Variants in REXO1 observed in about 807,000 individuals in gnomAD.
REXO1 encodes RNA exonuclease 1 homolog, also known as REX1, RNA exonuclease 1 homolog.
A neutral mutation model predicts 102.6 loss-of-function variants in REXO1; 42 were observed. The ratio of observed to expected loss-of-function variants is 0.41; its 90% CI spans 0.32 to 0.53. The LOEUF (loss-of-function observed/expected upper bound fraction) is 0.53, where lower values mean the gene tolerates loss of function less well. REXO1 is among the 20% of genes least tolerant of loss of function. The pLI, the probability that REXO1 is intolerant of heterozygous loss-of-function variation, is 0.27. For missense variants in REXO1, 1,819 were observed against 1,732.5 expected, an observed-to-expected ratio of 1.05 and a Z score of -0.89; for synonymous variants, 908 against 779.1, an observed-to-expected ratio of 1.17 and a Z score of -2.76.
intron 4 of REXO1, 151 bp downstream of exon 4, chr19:1,823,421 C>T: frequency 2.2e-6 from 1 of 460,786 alleles, no homozygotes; most frequent in Admixed American, 4.4e-5. Flanking sequence ...ATTTCACAGA[C>T]AGGCAGGCTG....
rs765503224 is a variant in REXO1, at chr19:1,817,777, G to A, written c.3020C>T (p.Ala1007Val). ...CATGTACTGGGTCTCCCAGCCTCCG[G>A]CCACTGCAGGGGACACAGACACACA... Reference protein sequence around the residue: ...HWGRLRRNRVAGGWETQYMCC... With the variant: ...HWGRLRRNRVVGGWETQYMCC... The change falls in exon 11 of 16, where the codon GCC becomes GTC. Residue 1007 changes from alanine (A) to valine (V), a missense_variant. Transcript: ENST00000170168. The A allele has an allele frequency of 1.8e-5, 29 of 1,611,664 alleles. No individual in the cohort carries two copies. The East Asian group carries it at 5.4e-4, about 30-fold the overall frequency.
intron 4 of REXO1, 77 bp downstream of exon 4, chr19:1,823,495 C>T: frequency 2.8e-6 from 3 of 1,080,068 alleles, no homozygotes; most frequent in Non-Finnish European, 3.6e-6. Flanking sequence ...CAGGTGAGCT[C>T]AGAGACCTCA....
rs776076365 is a variant in REXO1 at position 1,826,188 on chromosome 19, G to A, written c.1912-245C>T. 3.3e-5 allele frequency among the ~76,000 whole-genome samples: 5 copies of A among 152,172 alleles called. No individual in the cohort carries two copies. The highest frequency in any genetic ancestry group is 5.9e-5 in the Non-Finnish European group (4 of 68,036). Reference sequence around the variant, plus strand: ...TGGGCACCCAGGGCCCCAGCTTGGAGACCCCAGGGCTGCAGAATGAAAGCA... The same window carrying A: ...TGGGCACCCAGGGCCCCAGCTTGGAAACCCCAGGGCTGCAGAATGAAAGCA... On this transcript the variant is annotated intron_variant, in intron 2 of 15. Transcript: ENST00000170168. The surrounding 1 kb of genome is among the most constrained non-coding windows in gnomAD (Gnocchi z 4.3).
chr19:1,830,463 T>C (rs1215824258), intron 1 of REXO1, among the ~76,000 whole-genome samples: 1 of 152,358 alleles, frequency 6.6e-6, no homozygotes, highest in East Asian at 1.9e-4. Context: ...GAGCCAGGAT[T>C]GTGCCTCTGC....
chr19:1,836,043 C>A (rs1599161651), intron 1 of REXO1, among the ~76,000 whole-genome samples: 1 of 152,224 alleles, frequency 6.6e-6, no homozygotes, highest in African/African-American at 2.4e-5. Flanking sequence ...GGGCCTGGGA[C>A]CAGCACTATC....
At position 1,828,497 on chromosome 19, in the gene REXO1, CGGCCTCGAT is replaced by C; in HGVS notation, c.283_291del (p.Ile95_Ala97del). 1 of 1,605,192 alleles carries C rather than the reference CGGCCTCGAT, an allele frequency of 6.2e-7. No homozygotes were observed. The highest frequency in any genetic ancestry group is 8.5e-7 in the Non-Finnish European group (1 of 1,179,812). The stretch of plus-strand genomic sequence containing the variant: ...TGCTCCAGCTCCACCTCACTGCGCA[CGGCCTCGAT>C]GGCCTGGTTGACCAGCTCCAACTCC... On this transcript the variant is annotated inframe_deletion, in exon 2 of 16. Coordinates refer to ENST00000170168, the MANE Select transcript of REXO1 (RefSeq NM_020695.4).
Position 1,823,591 on chromosome 19 carries a change from G to T in REXO1, c.2211C>A (p.Pro737=). ...ACTCACCTGCAGCCAGGCGGGGGTT[G>T]GGGATGTGGGCGATCCTCCTCTTCT... ...PGEKRRIAHI[P]NPRLAAAPTG... Residue 737 remains proline (P), a synonymous_variant, in exon 4 of 16, where the codon CCC becomes CCA. Transcript: ENST00000170168. 1 of 1,321,004 alleles carries T rather than the reference G, an allele frequency of 7.6e-7. No individual in the cohort carries two copies. Among genetic ancestry groups the T allele is most frequent in the South Asian group, 2.4e-5 (1 of 42,198 alleles). The allele number at this position is 1,321,004 out of a possible 1,614,324, so 81.8% of individuals were successfully genotyped here.
At chr19:1,821,403 T>A in intron 5 of REXO1, 116 bp downstream of exon 5, 1 of 1,181,698 alleles carries the variant, frequency 8.5e-7, no homozygotes, top group East Asian at 2.4e-5. Context: ...TACTGCGGTG[T>A]GGAGCACGAA....
Position 1,827,723 on chromosome 19 carries a change from G to A in REXO1, c.1066C>T (p.Pro356Ser), listed in dbSNP as rs2069780325. 3 of 1,570,646 alleles carry A rather than the reference G, an allele frequency of 1.9e-6. No individual in the cohort carries two copies. The highest frequency in any genetic ancestry group is 2.0e-5 in the Admixed American group (1 of 50,980). Reference protein sequence around the residue: ...VGDLQPPPAKPASPAQVQSSQ... With the variant: ...VGDLQPPPAKSASPAQVQSSQ... The stretch of plus-strand genomic sequence containing the variant: ...GACTGGACCTGGGCTGGGGAGGCGG[G>A]CTTGGCTGGGGGCGGCTGGAGGTCC... Residue 356 changes from proline to serine, a missense_variant, in exon 2 of 16, where the codon CCC (proline) becomes TCC (serine). Transcript: ENST00000170168.
intron 4 of REXO1, chr19:1,821,927 G>T: frequency 1.7e-6 from 1 of 573,096 alleles, no homozygotes; most frequent in Non-Finnish European, 3.0e-6. Flanking sequence ...CACCGGTGGG[G>T]TGGTCCAGGC....
chr19:1,832,967 C>T (rs377198942), intron 1 of REXO1, among the ~76,000 whole-genome samples: 173 of 151,034 alleles, frequency 1.1e-3, no homozygotes, highest in African/African-American at 4.1e-3. Context: ...CAGTGGCTCA[C>T]GCCTGTAATC....
rs1215628946 is a variant in REXO1, at chr19:1,819,990, A to G, written c.2594T>C (p.Val865Ala). Residue 865 changes from valine (V) to alanine (A), a missense_variant, in exon 7 of 16, where the codon GTG becomes GCG. Coordinates refer to ENST00000170168, the MANE Select transcript of REXO1 (RefSeq NM_020695.4). ...GCCCCTGAGCTTCTTGAGGGTGTTCACGGCCACATTCAGGTAGATGTTCTT... is the reference window on the plus strand; with the variant it reads ...GCCCCTGAGCTTCTTGAGGGTGTTCGCGGCCACATTCAGGTAGATGTTCTT... The part of the protein sequence containing the change: ...PSKNIYLNVA[V>A]NTLKKLRGLA... 6.3e-7 allele frequency: 1 copy of G among 1,597,676 alleles called. No homozygotes were observed. Among genetic ancestry groups the G allele is most frequent in the Non-Finnish European group, 8.5e-7 (1 of 1,175,216 alleles).
chr19:1,817,052 G>T, intron 12 of REXO1, 167 bp downstream of exon 12: 1 of 858,896 alleles, frequency 1.2e-6, no homozygotes, highest in South Asian at 1.7e-5. Context: ...GCTCTGCTGG[G>T]AAGTATGGGG....
At chr19:1,847,876 C>T (rs1235351876) in intron 1 of REXO1, among the ~76,000 whole-genome samples, 1 of 152,216 alleles carries the variant, frequency 6.6e-6, no homozygotes, top group African/African-American at 2.4e-5. Flanking sequence ...TGCCTAGCGC[C>T]GGCCGCGCCC....
rs930879709 is a variant in REXO1, at chr19:1,816,470, G to A, written c.3417C>T (p.Leu1139=). ...GGTCGCTCTCCAGGCTGTGTCCGAT[G>A]AGGATGGTGTCAGCGCTGAACATGC... ...LLSMFSADTI[L]IGHSLESDLL... The change falls in exon 14 of 16, where the codon CTC becomes CTT. Residue 1139 remains leucine, a synonymous_variant. Transcript: ENST00000170168. 2 of 1,612,380 alleles carry A rather than the reference G, an allele frequency of 1.2e-6. No homozygotes were observed. The highest frequency in any genetic ancestry group is 1.7e-6 in the Non-Finnish European group (2 of 1,179,716).
chr19:1,827,568 A>C lies in REXO1; in HGVS notation c.1221T>G (p.Pro407=), dbSNP rs762768518. 7.5e-5 allele frequency: 120 copies of C among 1,594,812 alleles called. No homozygotes were observed. Among genetic ancestry groups the C allele is most frequent in the Admixed American group, 1.9e-4 (10 of 53,776 alleles). The change falls in exon 2 of 16, where the codon CCT becomes CCG. Residue 407 remains proline (P), a synonymous_variant. Coordinates refer to ENST00000170168, the MANE Select transcript of REXO1 (RefSeq NM_020695.4). ...DKTKDKGRGR[P]VEKPRADKKG... Reference sequence around the variant, plus strand: ...TCTTGTCCGCACGGGGCTTCTCCACAGGCCGCCCTCGGCCCTTGTCCTTGG... The same window carrying C: ...TCTTGTCCGCACGGGGCTTCTCCACCGGCCGCCCTCGGCCCTTGTCCTTGG...
intron 1 of REXO1, among the ~76,000 whole-genome samples, chr19:1,831,438 C>T (rs1757633667): frequency 6.6e-6 from 1 of 152,156 alleles, no homozygotes; most frequent in Non-Finnish European, 1.5e-5. Context: ...CAAGGGGAGG[C>T]AGGCACAAGA....
intron 1 of REXO1, among the ~76,000 whole-genome samples, chr19:1,840,113 C>T (rs1355537999): frequency 2.0e-5 from 3 of 152,154 alleles, no homozygotes; most frequent in East Asian, 1.9e-4. Flanking sequence ...AGCCACAGGG[C>T]GGGGATACGC....
chr19:1,825,114 A>ACAT (rs1034161041), intron 3 of REXO1, among the ~76,000 whole-genome samples: 1 of 142,880 alleles, frequency 7.0e-6, no homozygotes, highest in Admixed American at 6.9e-5. Context: ...AGTCTGGCCA[A>ACAT]CATGGTGAAA....
Sources: gnomAD v4.1 joint callset for allele counts (sites outside exome capture counted in the v4.1 genomes callset) on GRCh38, gnomAD v4.1.1 for gene constraint, Gnocchi (gnomAD v3.1) non-coding constraint, MANE v1.5 for transcripts, NCBI Gene and HGNC (gene_info 2026-07-23, HGNC 2026-07-21) for gene names.